SMCO2: variants seen among roughly 807,000 people sequenced by gnomAD.
SMCO2 encodes single-pass membrane and coiled-coil domain-containing protein 2.
In SMCO2, 25 loss-of-function variants were observed where a neutral mutation model predicts 29.5. The observed-to-expected ratio is 0.85, with a 90% CI of 0.62 to 1.18. The LOEUF (loss-of-function observed/expected upper bound fraction) is 1.18. Ranked by LOEUF, SMCO2 falls within the 50% of genes most tolerant of loss-of-function variation. The probability of loss-of-function intolerance (pLI) is 0.00; values close to 1 mark genes in which losing one functional copy is unlikely to be tolerated. For synonymous variants in SMCO2, 117 were observed against 123.3 expected (o/e 0.95, Z 0.34); for missense variants, 348 against 344.5 (o/e 1.01, Z -0.08).
chr12:27,423,639 T>A, the SMCO2 span: 2 of 152,194 alleles, frequency 1.3e-5, no homozygotes, highest in Admixed American at 6.5e-5. Context: ...TACTCTACAC[T>A]TTTTTTAACC....
intron 5 of SMCO2, among the ~76,000 whole-genome samples, chr12:27,492,807 G>C (rs1019911465): frequency 6.6e-6 from 1 of 152,108 alleles, no homozygotes; most frequent in African/African-American, 2.4e-5. Context: ...AGAACTACCA[G>C]TCGACCCAGC....
At chr12:27,490,551 C>T (rs1373971063) in intron 5 of SMCO2, among the ~76,000 whole-genome samples, 1 of 152,112 alleles carries the variant, frequency 6.6e-6, no homozygotes, top group Non-Finnish European at 1.5e-5. Context: ...AAAAATGGCA[C>T]AAGTTCTGTC....
chr12:27,476,409 C>T (rs543826202), intron 4 of SMCO2, among the ~76,000 whole-genome samples: 2 of 152,162 alleles, frequency 1.3e-5, no homozygotes, highest in African/African-American at 2.4e-5. Flanking sequence ...TCCAATGTTC[C>T]TTTGTTAATT....
At chr12:27,477,997 T>A (rs930057688) in intron 4 of SMCO2, among the ~76,000 whole-genome samples, 25 of 152,190 alleles carry the variant, frequency 1.6e-4, no homozygotes, top group African/African-American at 6.0e-4. Context: ...GGTTCTTACA[T>A]TGATATCTAT....
At chr12:27,431,006 A>T in the SMCO2 span, among the ~76,000 whole-genome samples, 1 of 151,896 alleles carries the variant, frequency 6.6e-6, no homozygotes, top group Non-Finnish European at 1.5e-5. Context: ...TAGTTATGAA[A>T]AAACACATGA....
the SMCO2 span, among the ~76,000 whole-genome samples, chr12:27,434,783 G>A: frequency 2.6e-5 from 4 of 152,180 alleles, no homozygotes; most frequent in Admixed American, 6.5e-5. Context: ...TTAAGGGAAG[G>A]GGGTACTGTA....
At chr12:27,478,076 C>CT (rs1427507297) in intron 4 of SMCO2, among the ~76,000 whole-genome samples, 3 of 152,072 alleles carry the variant, frequency 2.0e-5, no homozygotes, top group Non-Finnish European at 4.4e-5. Flanking sequence ...TTAGGTTTTC[C>CT]TAAAGCTGTA....
chr12:27,447,993 C>T, the SMCO2 span, among the ~76,000 whole-genome samples: 2 of 152,308 alleles, frequency 1.3e-5, no homozygotes, highest in Non-Finnish European at 1.5e-5. Context: ...CTGCAAGCTC[C>T]GCAGGGACAG....
chr12:27,497,060 G>T, intron 7 of SMCO2: 2 of 155,340 alleles, frequency 1.3e-5, no homozygotes, highest in South Asian at 3.6e-4. Context: ...GACCCAGTTT[G>T]ACATGCATAT....
At chr12:27,429,997 A>T in the SMCO2 span, among the ~76,000 whole-genome samples, 2 of 152,248 alleles carry the variant, frequency 1.3e-5, no homozygotes, top group East Asian at 1.9e-4. Context: ...CGTAGTTTAT[A>T]CTAAAGTCTT....
chr12:27,456,155 C>T, the SMCO2 span, among the ~76,000 whole-genome samples: 1 of 152,146 alleles, frequency 6.6e-6, no homozygotes, highest in Admixed American at 6.5e-5. Context: ...GCAGAGGTTG[C>T]GGTGAGCCGA....
the SMCO2 span, among the ~76,000 whole-genome samples, chr12:27,442,445 C>T: frequency 6.6e-6 from 1 of 152,078 alleles, no homozygotes; most frequent in African/African-American, 2.4e-5. Flanking sequence ...AAATTGGAAA[C>T]CTAGAAGAAA....
the SMCO2 span, among the ~76,000 whole-genome samples, chr12:27,460,817 T>G: frequency 6.6e-6 from 1 of 152,236 alleles, no homozygotes; most frequent in Non-Finnish European, 1.5e-5. Context: ...AGGGCTTATC[T>G]TGGAAAACCC....
chr12:27,450,088 T>C, the SMCO2 span, among the ~76,000 whole-genome samples: 2 of 152,220 alleles, frequency 1.3e-5, no homozygotes, highest in African/African-American at 4.8e-5. Flanking sequence ...TGGGCCACAT[T>C]CAGGAACACA....
chr12:27,475,767 C>G, intron 4 of SMCO2, 36 bp downstream of exon 5: 1 of 1,423,062 alleles, frequency 7.0e-7, no homozygotes, highest in Non-Finnish European at 9.2e-7. Flanking sequence ...CATAAAATAG[C>G]AGAAAGTTTC....
At chr12:27,494,309 T>G in exon 6 of SMCO2, 1 of 1,516,670 alleles carries the variant, frequency 6.6e-7, no homozygotes, top group Middle Eastern at 1.7e-4. Flanking sequence ...GGTGAATACT[T>G]GTAATGAAGT....
chr12:27,501,932 A>G (rs1047918003), exon 8 of SMCO2: 13 of 1,538,650 alleles, frequency 8.4e-6, no homozygotes, highest in African/African-American at 1.4e-5. Context: ...GGAAACGTGC[A>G]CTGAGGATTT....
chr12:27,463,696 T>G (rs1403238221), upstream of SMCO2, among the ~76,000 whole-genome samples: 2 of 152,126 alleles, frequency 1.3e-5, no homozygotes, highest in Middle Eastern at 3.2e-3. Flanking sequence ...CCACGGAAAT[T>G]GGATGACTAA....
the SMCO2 span, among the ~76,000 whole-genome samples, chr12:27,425,891 C>A: frequency 6.6e-6 from 1 of 152,272 alleles, no homozygotes; most frequent in Non-Finnish European, 1.5e-5. Context: ...CATCTGACAT[C>A]TTTTCCCCTT....
Sources: gnomAD v4.1 joint callset for allele counts (sites outside exome capture counted in the v4.1 genomes callset) on GRCh38, gnomAD v4.1.1 for gene constraint, MANE v1.5 for transcripts, NCBI Gene and HGNC (gene_info 2026-07-23, HGNC 2026-07-21) for gene names.